The following TENM3 variants were observed in gnomAD, a reference collection of about 807,000 sequenced individuals.
TENM3 encodes the protein teneurin-3.
In TENM3, 63 loss-of-function variants were observed where a neutral mutation model predicts 255.1. The observed-to-expected ratio is 0.25, with a 90% confidence interval of 0.20 to 0.30. The LOEUF is 0.30. Ranked by LOEUF, TENM3 falls within the 10% of genes least tolerant of loss-of-function variation. The pLI is 1.00. For synonymous variants in TENM3, 1,306 were observed against 1,322.3 expected (o/e 0.99, Z 0.27); for missense variants, 2,929 against 3,461.1 (o/e 0.85, Z 3.86).
intron 3 of TENM3, among the ~76,000 whole-genome samples, chr4:182,596,046 A>G (rs947417004): frequency 1.3e-5 from 2 of 152,162 alleles, no homozygotes; most frequent in African/African-American, 4.8e-5. Flanking sequence ...TGACCCCACA[A>G]GGTGCTATTA....
the TENM3 span, among the ~76,000 whole-genome samples, chr4:181,494,420 G>A: frequency 1.3e-5 from 2 of 152,218 alleles, no homozygotes; most frequent in East Asian, 3.9e-4. Context: ...AAGTAGCTGG[G>A]ATTACAGGTG....
At chr4:181,608,340 G>T in the TENM3 span, among the ~76,000 whole-genome samples, 1 of 152,166 alleles carries the variant, frequency 6.6e-6, no homozygotes, top group Admixed American at 6.5e-5. Flanking sequence ...ATTGAAATCT[G>T]CCCCTCTCCA....
rs1004107860 is a variant in TENM3 at position 182,643,591 on chromosome 4, T to C, written c.989-10180T>C. ...AGAAAGATCCAGTAACTTGCCAAAG[T>C]TCCACAATTATTTAAAGCCAGAATT... On this transcript the variant is annotated intron_variant, in intron 5 of 27. Transcript: ENST00000511685. Among the ~76,000 whole-genome samples, 83 of 152,112 alleles carry C rather than the reference T, an allele frequency of 5.5e-4. 2 individuals carry two copies. The highest frequency in any genetic ancestry group is 1.9e-3 in the African/African-American group (79 of 41,418).
chr4:181,710,701 A>G, the TENM3 span, among the ~76,000 whole-genome samples: 1 of 152,186 alleles, frequency 6.6e-6, no homozygotes, highest in South Asian at 2.1e-4. Context: ...CAGCCTGGCA[A>G]CAGAGTGAGA....
chr4:182,112,502 T>C, the TENM3 span, among the ~76,000 whole-genome samples: 1 of 152,204 alleles, frequency 6.6e-6, no homozygotes, highest in Admixed American at 6.5e-5. Flanking sequence ...CATTGGGTCT[T>C]CACAGAGAAA....
At chr4:182,169,758 A>G (rs923242918) in intron 1 of TENM3, among the ~76,000 whole-genome samples, 7 of 152,070 alleles carry the variant, frequency 4.6e-5, no homozygotes, top group Admixed American at 6.5e-5. Context: ...TAAAGCTGAC[A>G]TATATAACAT....
At chr4:181,838,138 C>CA in the TENM3 span, among the ~76,000 whole-genome samples, 9 of 143,156 alleles carry the variant, frequency 6.3e-5, no homozygotes, top group African/African-American at 2.4e-4. Context: ...GACTCCATCT[C>CA]AAAAAAAAAA....
chr4:182,034,550 C>T, the TENM3 span, among the ~76,000 whole-genome samples: 2 of 152,098 alleles, frequency 1.3e-5, no homozygotes, highest in East Asian at 3.8e-4. Flanking sequence ...TTTAGTGCTT[C>T]CTTCAGGAGC....
At chr4:181,570,085 T>TCGGACTG in the TENM3 span, among the ~76,000 whole-genome samples, 664 of 141,676 alleles carry the variant, frequency 4.7e-3, 4 homozygotes, top group African/African-American at 0.016. Flanking sequence ...GTCGCCCAGG[T>TCGGACTG]CGGACTGCGG....
At chr4:182,525,683 T>C (rs1486008770) in intron 3 of TENM3, among the ~76,000 whole-genome samples, 3 of 152,186 alleles carry the variant, frequency 2.0e-5, no homozygotes, top group Admixed American at 2.0e-4. Context: ...GCCCTTCGAG[T>C]TCTATTGTCC....
chr4:182,677,872 T>C (rs1003273608), intron 7 of TENM3, among the ~76,000 whole-genome samples: 8 of 152,288 alleles, frequency 5.3e-5, no homozygotes, highest in East Asian at 1.9e-4. Context: ...AATGGCAATA[T>C]ATTTAACTGT....
the TENM3 span, among the ~76,000 whole-genome samples, chr4:181,774,003 GTTTTTT>G: frequency 1.9e-4 from 17 of 90,060 alleles, 1 homozygote; most frequent in African/African-American, 5.6e-4. Flanking sequence ...TGGTGGCTGT[GTTTTTT>G]TTTTTTTTTT....
At chr4:181,501,935 G>A in the TENM3 span, among the ~76,000 whole-genome samples, 1 of 152,156 alleles carries the variant, frequency 6.6e-6, no homozygotes, top group Non-Finnish European at 1.5e-5. Context: ...AGGGTGAAGG[G>A]CAGGTGCAGC....
the TENM3 span, among the ~76,000 whole-genome samples, chr4:182,110,774 G>A: frequency 2.0e-5 from 3 of 152,112 alleles, no homozygotes; most frequent in Admixed American, 1.3e-4. Flanking sequence ...TAAAGTAATG[G>A]AATTCTCTAC....
At chr4:182,387,768 A>G (rs1425055037) in intron 3 of TENM3, among the ~76,000 whole-genome samples, 2 of 151,826 alleles carry the variant, frequency 1.3e-5, no homozygotes, top group African/African-American at 4.8e-5. Context: ...CCAGAAGGAA[A>G]AAACTCCGAA....
At chr4:182,304,989 CTCTTT>C (rs1342977987) in intron 1 of TENM3, among the ~76,000 whole-genome samples, 5 of 151,956 alleles carry the variant, frequency 3.3e-5, no homozygotes, top group African/African-American at 7.2e-5. Flanking sequence ...CTCCCCTCTC[CTCTTT>C]TCTTCTCTCT....
chr4:182,346,473 T>C (rs1488043524), intron 2 of TENM3, among the ~76,000 whole-genome samples, 178 bp from the exon 3 acceptor site: 1 of 152,034 alleles, frequency 6.6e-6, no homozygotes, highest in African/African-American at 2.4e-5. Flanking sequence ...CCTCCCATAA[T>C]TGCGCCCACT....
At chr4:181,554,049 AG>A in the TENM3 span, among the ~76,000 whole-genome samples, 6 of 152,150 alleles carry the variant, frequency 3.9e-5, no homozygotes, top group Non-Finnish European at 8.8e-5. Flanking sequence ...CTAACTGTAT[AG>A]AAACCTAACC....
intron 5 of TENM3, among the ~76,000 whole-genome samples, chr4:182,652,086 AGT>A (rs1363403771): frequency 6.6e-6 from 1 of 152,158 alleles, no homozygotes; most frequent in African/African-American, 2.4e-5. Flanking sequence ...TTATCCACAC[AGT>A]GTTTTCTTAG....
Sources: allele counts gnomAD v4.1 joint callset (sites outside exome capture counted in the v4.1 genomes callset), GRCh38; gene constraint gnomAD v4.1.1; transcripts MANE v1.5; gene names NCBI Gene and HGNC (gene_info 2026-07-23, HGNC 2026-07-21).